Variants in ZC3H12B observed in about 807,000 individuals in gnomAD.
ZC3H12B encodes the protein zinc finger CCCH-type containing 12B, also known as probable ribonuclease ZC3H12B.
A neutral mutation model predicts 43.9 loss-of-function variants in ZC3H12B; 7 were observed. The ratio of observed to expected loss-of-function variants is 0.16; its 90% confidence interval spans 0.09 to 0.30. The LOEUF is 0.30. Ranked by LOEUF, ZC3H12B falls within the 10% of genes least tolerant of loss-of-function variation. ZC3H12B has a pLI of 1.00. For synonymous variants in ZC3H12B, 222 were observed against 241.7 expected (o/e 0.92, Z 0.76); for missense variants, 475 against 670.2 (o/e 0.71, Z 3.22).
chrX:65,425,135 A>T (rs2067065230), intron 3 of ZC3H12B, among the ~76,000 whole-genome samples: 1 of 111,240 alleles, frequency 9.0e-6, no homozygotes, highest in Non-Finnish European at 1.9e-5. Context: ...GTCATCTCTG[A>T]TTTCTTTGAG....
At chrX:65,321,800 C>G in the ZC3H12B span, among the ~76,000 whole-genome samples, 1 of 110,583 alleles carries the variant, frequency 9.0e-6, no homozygotes, top group African/African-American at 3.3e-5. Flanking sequence ...AACAGAAAAA[C>G]AAATGTCACA....
the ZC3H12B span, among the ~76,000 whole-genome samples, chrX:65,265,872 A>G: frequency 1.8e-5 from 2 of 111,707 alleles, no homozygotes; most frequent in African/African-American, 3.2e-5. Flanking sequence ...CAGCAGCACA[A>G]GACCATAATC....
At chrX:65,288,014 A>G in the ZC3H12B span, among the ~76,000 whole-genome samples, 1 of 108,198 alleles carries the variant, frequency 9.2e-6, no homozygotes, top group Admixed American at 9.9e-5. Context: ...ATATATCACC[A>G]GAGACTATTA....
the ZC3H12B span, among the ~76,000 whole-genome samples, chrX:65,305,584 C>T: frequency 8.9e-6 from 1 of 112,027 alleles, no homozygotes; most frequent in Non-Finnish European, 1.9e-5. Context: ...CCTTTCCTCA[C>T]TCTTTCTTTT....
the ZC3H12B span, among the ~76,000 whole-genome samples, chrX:65,354,149 T>A: frequency 7.1e-5 from 8 of 112,162 alleles, no homozygotes; most frequent in Non-Finnish European, 1.5e-4. Flanking sequence ...AGTGGGTCCC[T>A]AACTCCTGTG....
chrX:65,056,270 A>G, the ZC3H12B span, among the ~76,000 whole-genome samples: 1 of 111,156 alleles, frequency 9.0e-6, no homozygotes, highest in Non-Finnish European at 1.9e-5. Context: ...AATGTGTCCC[A>G]GAGATTCTGG....
At chrX:65,432,697 T>C (rs888198194) in intron 3 of ZC3H12B, among the ~76,000 whole-genome samples, 1 of 112,281 alleles carries the variant, frequency 8.9e-6, no homozygotes, top group African/African-American at 3.2e-5. Context: ...AGTTGTAGAA[T>C]GGGCCAGATG....
intron 3 of ZC3H12B, among the ~76,000 whole-genome samples, chrX:65,468,858 T>C (rs182351086): frequency 9.3e-6 from 1 of 108,019 alleles, no homozygotes. Flanking sequence ...ATTTTCTCTC[T>C]TTTTTTTTCC....
chrX:65,078,359 A>G, the ZC3H12B span, among the ~76,000 whole-genome samples: 1 of 112,422 alleles, frequency 8.9e-6, no homozygotes, highest in Non-Finnish European at 1.9e-5. Context: ...GAATGAGTCC[A>G]AGGACCAGCT....
At chrX:65,213,776 A>G in the ZC3H12B span, among the ~76,000 whole-genome samples, 4 of 110,090 alleles carry the variant, frequency 3.6e-5, no homozygotes, top group Non-Finnish European at 3.8e-5. Context: ...ATTTGTAGGC[A>G]TTCATTAAAT....
chrX:65,036,914 C>T, the ZC3H12B span, among the ~76,000 whole-genome samples: 12 of 108,969 alleles, frequency 1.1e-4, no homozygotes, highest in African/African-American at 2.3e-4. Context: ...GTCGTAATCA[C>T]ATTATAAAAT....
chrX:65,111,504 A>C, the ZC3H12B span, among the ~76,000 whole-genome samples: 1 of 109,373 alleles, frequency 9.1e-6, no homozygotes, highest in Non-Finnish European at 1.9e-5. Flanking sequence ...ATTGTGCTTC[A>C]CTTTATTGCA....
the ZC3H12B span, among the ~76,000 whole-genome samples, chrX:65,320,336 C>A: frequency 9.0e-6 from 1 of 111,218 alleles, no homozygotes; most frequent in Non-Finnish European, 1.9e-5. Context: ...ATACAGCTAA[C>A]CAGGAAGGTT....
At chrX:65,498,193 C>A (rs1485807843) in intron 2 of ZC3H12B, among the ~76,000 whole-genome samples, 1 of 112,057 alleles carries the variant, frequency 8.9e-6, no homozygotes, top group African/African-American at 3.2e-5. Context: ...GCATAAGCCA[C>A]CACGCCCAGC....
At chrX:65,186,949 G>A in the ZC3H12B span, among the ~76,000 whole-genome samples, 1 of 111,659 alleles carries the variant, frequency 9.0e-6, no homozygotes, top group Admixed American at 9.6e-5. Context: ...GGGCATTTGG[G>A]CTGGTTCCAT....
the ZC3H12B span, among the ~76,000 whole-genome samples, chrX:65,360,567 G>A: frequency 6.3e-5 from 7 of 111,995 alleles, no homozygotes; most frequent in African/African-American, 2.3e-4. Context: ...AGGATATAGA[G>A]CAATTAGAAC....
chrX:65,373,888 T>C (rs1332904110), intron 2 of ZC3H12B, among the ~76,000 whole-genome samples: 3 of 879 alleles, frequency 3.4e-3, no homozygotes, highest in African/African-American at 0.011. Context: ...GAACTTAAAG[T>C]ATAGTAATAT....
At chrX:65,040,482 G>A in the ZC3H12B span, among the ~76,000 whole-genome samples, 4 of 109,549 alleles carry the variant, frequency 3.7e-5, no homozygotes, top group Admixed American at 9.8e-5. Context: ...AAAAAAAATA[G>A]GGGTATGAGA....
the ZC3H12B span, among the ~76,000 whole-genome samples, chrX:65,066,736 C>G: frequency 8.9e-6 from 1 of 111,946 alleles, no homozygotes; most frequent in African/African-American, 3.2e-5. Context: ...TGAAGCTGCA[C>G]CCACTTGCTC....
Sources: gnomAD v4.1 joint callset for allele counts (sites outside exome capture counted in the v4.1 genomes callset) on GRCh38, gnomAD v4.1.1 for gene constraint, MANE v1.5 for transcripts, NCBI Gene and HGNC (gene_info 2026-07-23, HGNC 2026-07-21) for gene names.